The following MLLT3 variants were observed in gnomAD, a reference collection of about 807,000 sequenced individuals.
The protein encoded by MLLT3 is MLLT3 super elongation complex subunit, also known as protein AF-9.
Under a neutral mutation model 53.2 loss-of-function variants are expected in MLLT3, and 4 were observed. The ratio of observed to expected loss-of-function variants is 0.08; its 90% CI spans 0.04 to 0.17. The LOEUF (loss-of-function observed/expected upper bound fraction) is 0.17, where lower values mean the gene tolerates loss of function less well. MLLT3 is among the 10% of genes least tolerant of loss of function. The pLI, the probability that MLLT3 is intolerant of heterozygous loss-of-function variation, is 1.00. For synonymous variants in MLLT3, 283 were observed against 230.6 expected (o/e 1.23, Z -2.06); for missense variants, 569 against 684.0 (o/e 0.83, Z 1.87).
At chr9:20,388,536 C>T (rs1472077022) in intron 5 of MLLT3, among the ~76,000 whole-genome samples, 4 of 151,932 alleles carry the variant, frequency 2.6e-5, no homozygotes, top group Admixed American at 6.6e-5. Flanking sequence ...TGCAGTGAGC[C>T]GAGATCGTGC....
chr9:20,490,699 G>T (rs1048367921), intron 2 of MLLT3, among the ~76,000 whole-genome samples: 1 of 152,180 alleles, frequency 6.6e-6, no homozygotes, highest in African/African-American at 2.4e-5. Context: ...CACTAAATTT[G>T]TGTTAATTTG....
At chr9:20,467,175 C>T (rs1456740654) in intron 2 of MLLT3, among the ~76,000 whole-genome samples, 1 of 151,950 alleles carries the variant, frequency 6.6e-6, no homozygotes, top group South Asian at 2.1e-4. Flanking sequence ...GAGACAAGCT[C>T]TCACTATGTT....
chr9:20,375,912 G>A (rs1403618206), intron 5 of MLLT3, among the ~76,000 whole-genome samples: 3 of 152,068 alleles, frequency 2.0e-5, no homozygotes, highest in Non-Finnish European at 4.4e-5. Context: ...CCGGACTTCA[G>A]TAAGTTTTAT....
intron 5 of MLLT3, among the ~76,000 whole-genome samples, chr9:20,405,648 G>T (rs1822559931): frequency 6.6e-6 from 1 of 152,180 alleles, no homozygotes; most frequent in African/African-American, 2.4e-5. Context: ...TACCATGGAG[G>T]GAGTAGAGTT....
At chr9:20,507,643 C>A (rs1253043581) in intron 2 of MLLT3, among the ~76,000 whole-genome samples, 1 of 150,258 alleles carries the variant, frequency 6.7e-6, no homozygotes, top group Non-Finnish European at 1.5e-5. Context: ...CCTGCCCATG[C>A]ATGCAAGAAT....
intron 2 of MLLT3, among the ~76,000 whole-genome samples, chr9:20,619,454 A>C (rs1310149293): frequency 1.3e-5 from 2 of 152,222 alleles, no homozygotes; most frequent in African/African-American, 4.8e-5. Flanking sequence ...TCCTTTCTTT[A>C]TTCAGCCCCC....
chr9:20,449,770 C>T (rs1204967145), intron 3 of MLLT3, among the ~76,000 whole-genome samples: 1 of 152,166 alleles, frequency 6.6e-6, no homozygotes, highest in Non-Finnish European at 1.5e-5. Context: ...ATCTACTTTT[C>T]CTCTCTCTTA....
chr9:20,469,337 A>T (rs147185773), intron 2 of MLLT3, among the ~76,000 whole-genome samples: 2 of 152,274 alleles, frequency 1.3e-5, no homozygotes, highest in East Asian at 3.9e-4. Flanking sequence ...AACTGTTTGC[A>T]CATTAGGCAT....
chr9:20,350,317 C>G (rs1054136868), intron 10 of MLLT3, among the ~76,000 whole-genome samples: 3 of 152,150 alleles, frequency 2.0e-5, no homozygotes, highest in Admixed American at 6.5e-5. Context: ...AACAGGCGGC[C>G]GGGCGCGGTG....
chr9:20,392,475 T>C (rs1354647968), intron 5 of MLLT3, among the ~76,000 whole-genome samples: 1 of 152,188 alleles, frequency 6.6e-6, no homozygotes, highest in Non-Finnish European at 1.5e-5. Flanking sequence ...ATCCTCCTCA[T>C]CTCCATATAA....
At chr9:20,571,928 G>C (rs894112145) in intron 2 of MLLT3, among the ~76,000 whole-genome samples, 1 of 152,172 alleles carries the variant, frequency 6.6e-6, no homozygotes, top group Non-Finnish European at 1.5e-5. Flanking sequence ...CTGTTGGTGG[G>C]AATGTACATT....
intron 2 of MLLT3, among the ~76,000 whole-genome samples, chr9:20,619,607 A>G (rs1463032839): frequency 2.6e-5 from 4 of 152,254 alleles, no homozygotes; most frequent in South Asian, 4.1e-4. Flanking sequence ...CGACTTAGAT[A>G]AATAAACCTG....
At chr9:20,581,411 A>C (rs1306480897) in intron 2 of MLLT3, among the ~76,000 whole-genome samples, 1 of 152,176 alleles carries the variant, frequency 6.6e-6, no homozygotes, top group Non-Finnish European at 1.5e-5. Context: ...TTGATCTGCT[A>C]ATTACAAAAC....
intron 2 of MLLT3, among the ~76,000 whole-genome samples, chr9:20,576,760 G>A (rs946963065): frequency 2.2e-4 from 34 of 152,142 alleles, no homozygotes; most frequent in African/African-American, 5.6e-4. Context: ...GTGACACAGA[G>A]ACATAAAGTG....
chr9:20,608,667 T>G (rs1009137118), intron 2 of MLLT3, among the ~76,000 whole-genome samples: 13 of 151,954 alleles, frequency 8.6e-5, no homozygotes, highest in Admixed American at 7.9e-4. Flanking sequence ...AAATGTCAAA[T>G]AGCAAAATTT....
chr9:20,569,952 C>T (rs1261887257), intron 2 of MLLT3, among the ~76,000 whole-genome samples: 1 of 152,160 alleles, frequency 6.6e-6, no homozygotes. Flanking sequence ...CCGTTGGCTC[C>T]TCATTTGCCC....
rs73648204 is a variant in MLLT3, at chr9:20,354,749, C to G, written c.1503+59G>C. ...CCAGCAAGGATGATCAAGGGCAACA[C>G]AAAGAAACGGAAGGCTTGTCAGTGT... On this transcript the variant is annotated intron_variant, in intron 9 of 10. Transcript: ENST00000380338. The G allele has an allele frequency of 1.3e-3, 1,512 of 1,163,656 alleles. 7 individuals are homozygous for G. The African/African-American group carries it at 0.019, about 15-fold the overall frequency. 72.1% of individuals were successfully genotyped at this position (1,163,656 alleles called of 1,614,324 possible).
chr9:20,347,883 C>T (rs913744722), intron 10 of MLLT3, among the ~76,000 whole-genome samples: 10 of 152,166 alleles, frequency 6.6e-5, no homozygotes, highest in Non-Finnish European at 1.2e-4. Flanking sequence ...CCTAATGCCA[C>T]GCTGAGTAAC....
At chr9:20,613,202 T>C (rs1820743028) in intron 2 of MLLT3, among the ~76,000 whole-genome samples, 1 of 152,178 alleles carries the variant, frequency 6.6e-6, no homozygotes, top group African/African-American at 2.4e-5. Context: ...AATATTCTGG[T>C]ATTAAATAAT....
Sources: gnomAD v4.1 joint callset for allele counts (sites outside exome capture counted in the v4.1 genomes callset) on GRCh38, gnomAD v4.1.1 for gene constraint, MANE v1.5 for transcripts, NCBI Gene and HGNC (gene_info 2026-07-23, HGNC 2026-07-21) for gene names.